Variants in CAMK1D observed in about 807,000 individuals in gnomAD.
CAMK1D encodes the protein calcium/calmodulin dependent protein kinase ID.
A neutral mutation model predicts 47.7 loss-of-function variants in CAMK1D; 9 were observed. The observed-to-expected ratio is 0.19, with a 90% CI of 0.11 to 0.33. CAMK1D has a LOEUF of 0.33. CAMK1D is among the 10% of genes least tolerant of loss of function. CAMK1D has a pLI of 1.00. For missense variants in CAMK1D, 291 were observed against 488.7 expected (o/e 0.60, Z 3.81); for synonymous variants, 184 against 184.9 (o/e 0.99, Z 0.04).
intron 1 of CAMK1D, among the ~76,000 whole-genome samples, chr10:12,538,883 G>A (rs1306102107): frequency 2.6e-5 from 3 of 116,734 alleles, no homozygotes; most frequent in African/African-American, 1.0e-4. Flanking sequence ...GCAAAACTGA[G>A]GCAAAAAAAA....
At chr10:12,630,211 C>T (rs924868898) in intron 2 of CAMK1D, among the ~76,000 whole-genome samples, 5 of 152,102 alleles carry the variant, frequency 3.3e-5, no homozygotes, top group Admixed American at 6.6e-5. Context: ...TTTCATGCTC[C>T]GTCTTCTTCC....
At chr10:12,442,334 A>G (rs1832807500) in intron 1 of CAMK1D, among the ~76,000 whole-genome samples, 1 of 152,184 alleles carries the variant, frequency 6.6e-6, no homozygotes, top group African/African-American at 2.4e-5. Context: ...ACAAAAAATT[A>G]GCCAGATGTG....
intron 8 of CAMK1D, among the ~76,000 whole-genome samples, chr10:12,823,185 C>T (rs995864966): frequency 5.9e-5 from 9 of 152,118 alleles, no homozygotes; most frequent in Admixed American, 2.0e-4. Flanking sequence ...TGATGGTTGC[C>T]GTGTCTGGGC....
chr10:12,584,447 A>AT (rs1837756084), intron 2 of CAMK1D, among the ~76,000 whole-genome samples: 1 of 152,138 alleles, frequency 6.6e-6, no homozygotes, highest in Non-Finnish European at 1.5e-5. Context: ...TGCTGTGCAT[A>AT]TTTTTTCTCA....
At chr10:12,618,400 C>G (rs1356799219) in intron 2 of CAMK1D, among the ~76,000 whole-genome samples, 3 of 152,192 alleles carry the variant, frequency 2.0e-5, no homozygotes, top group African/African-American at 7.2e-5. Context: ...TCTGTTTTCT[C>G]TAGTTCATTG....
At chr10:12,658,183 G>A (rs1840171452) in intron 2 of CAMK1D, among the ~76,000 whole-genome samples, 1 of 152,160 alleles carries the variant, frequency 6.6e-6, no homozygotes, top group Non-Finnish European at 1.5e-5. Context: ...CCAGAGGAAA[G>A]GTGATTGGTG....
intron 1 of CAMK1D, among the ~76,000 whole-genome samples, chr10:12,542,526 A>G (rs1836229520): frequency 6.6e-6 from 1 of 152,152 alleles, no homozygotes; most frequent in Non-Finnish European, 1.5e-5. Flanking sequence ...GGTTTAGTGA[A>G]CTGTCATGAA....
intron 1 of CAMK1D, among the ~76,000 whole-genome samples, chr10:12,406,195 C>T (rs927214607): frequency 3.3e-5 from 5 of 152,058 alleles, no homozygotes; most frequent in African/African-American, 9.7e-5. Context: ...CTGTGCACTC[C>T]GGACATTCAG....
intron 2 of CAMK1D, among the ~76,000 whole-genome samples, chr10:12,644,189 T>TG (rs1240534383): frequency 6.6e-6 from 1 of 152,200 alleles, no homozygotes; most frequent in East Asian, 1.9e-4. Context: ...ACTGGGCTGT[T>TG]GGAGTTCCCC....
intron 2 of CAMK1D, among the ~76,000 whole-genome samples, chr10:12,557,656 C>T (rs1206100236): frequency 6.6e-6 from 1 of 151,784 alleles, no homozygotes; most frequent in Non-Finnish European, 1.5e-5. Context: ...ATTCCAACGT[C>T]TTTGTTGATT....
At chr10:12,592,639 A>G (rs117736969) in intron 2 of CAMK1D, among the ~76,000 whole-genome samples, 1,790 of 152,250 alleles carry the variant, frequency 0.012, 75 homozygotes, top group Admixed American at 0.075. Context: ...CTTATTTCCA[A>G]ACATACTGAA....
chr10:12,435,482 G>C (rs573941756), intron 1 of CAMK1D, among the ~76,000 whole-genome samples: 2 of 152,162 alleles, frequency 1.3e-5, no homozygotes, highest in African/African-American at 4.8e-5. Flanking sequence ...TGGAGTTCCT[G>C]TTACCTCAAG....
intron 2 of CAMK1D, among the ~76,000 whole-genome samples, chr10:12,564,317 T>A (rs1016365185): frequency 6.6e-6 from 1 of 152,206 alleles, no homozygotes; most frequent in Admixed American, 6.5e-5. Context: ...GATTCAATTT[T>A]TTTTTTTCTG....
chr10:12,819,621 A>C lies in CAMK1D; in HGVS notation c.833+3293A>C, dbSNP rs1485449854. ...AAAGAAGAAGCGTTGCACATCTGTG[A>C]TACCTACAGGCTGCCATTAATTGAT... On this transcript the variant is annotated intron_variant, in intron 8 of 10. Transcript: ENST00000619168. 5.3e-5 allele frequency among the ~76,000 whole-genome samples: 8 copies of C among 152,232 alleles called. No homozygotes were observed. The East Asian group carries it at 1.5e-3, about 29-fold the overall frequency.
rs558186554 is a variant in CAMK1D, at chr10:12,834,245, C to G, written c.*5358C>G. 2 of 152,500 alleles carry G rather than the reference C, an allele frequency of 1.3e-5. No homozygotes were observed. The highest frequency in any genetic ancestry group is 6.5e-5 in the Admixed American group (1 of 15,296). The allele number at this position is 152,500 out of a possible 1,614,324, so 9.4% of individuals were successfully genotyped here. A position where few individuals can be genotyped will look rare whatever the true frequency, so the allele number is the denominator to read the frequency against. The stretch of plus-strand genomic sequence containing the variant: ...CACCTGTTCGGTGGTCCCGGGGCAT[C>G]ATGGTCTGCAGCTCTGGGCCCCCAG... On this transcript the variant is annotated 3_prime_UTR_variant, in exon 11 of 11. Transcript: ENST00000619168.
intron 1 of CAMK1D, among the ~76,000 whole-genome samples, chr10:12,408,812 C>T (rs1403290242): frequency 1.3e-5 from 2 of 150,852 alleles, no homozygotes; most frequent in African/African-American, 4.9e-5. Flanking sequence ...CGTCTTTTTC[C>T]TCTTTTATGG....
chr10:12,542,749 T>C (rs1836236790), intron 1 of CAMK1D, among the ~76,000 whole-genome samples: 1 of 152,226 alleles, frequency 6.6e-6, no homozygotes, highest in African/African-American at 2.4e-5. Flanking sequence ...ACTTATTTAT[T>C]TATTTATTTT....
At position 12,401,151 on chromosome 10, in the gene CAMK1D, T is replaced by A. The variant is rs866232458; in HGVS notation, c.92+51241T>A. ...TATTATATATATTATATATATATTT[T>A]ATATATATATAATATATGTATTATA... On this transcript the variant is annotated intron_variant, in intron 1 of 10. Coordinates refer to ENST00000619168, the MANE Select transcript of CAMK1D (RefSeq NM_153498.4). Among the ~76,000 whole-genome samples the A allele has an allele frequency of 4.4e-3, 188 of 42,462 alleles. 11 individuals are homozygous for A. The highest frequency in any genetic ancestry group is 6.3e-3 in the Admixed American group (16 of 2,546). The allele number at this position is 42,462 out of a possible 152,430, so 27.9% of individuals were successfully genotyped here.
chr10:12,432,933 T>A lies in CAMK1D; in HGVS notation c.92+83023T>A, dbSNP rs1263502074. Among the ~76,000 whole-genome samples, 4 of 152,340 alleles carry A rather than the reference T, an allele frequency of 2.6e-5. No individual in the cohort carries two copies. The East Asian group carries it at 7.7e-4, about 29-fold the overall frequency. ...AGGATGACCCTTTGGGAGAGTCATG[T>A]ACAAGGTCCCCGGGATTAGAGTAAA... is the stretch of plus-strand genomic sequence containing the variant. On this transcript the variant is annotated intron_variant, in intron 1 of 10. Coordinates refer to ENST00000619168, the MANE Select transcript of CAMK1D (RefSeq NM_153498.4).
Sources: gnomAD v4.1 joint callset for allele counts (sites outside exome capture counted in the v4.1 genomes callset) on GRCh38, gnomAD v4.1.1 for gene constraint, MANE v1.5 for transcripts, NCBI Gene and HGNC (gene_info 2026-07-23, HGNC 2026-07-21) for gene names.